MYPN: variants seen among roughly 807,000 people sequenced by gnomAD.
MYPN encodes the protein myopalladin.
Under a neutral mutation model 129.4 loss-of-function variants are expected in MYPN, and 63 were observed. The ratio of observed to expected loss-of-function variants is 0.49; its 90% CI spans 0.40 to 0.60. The LOEUF (loss-of-function observed/expected upper bound fraction) is 0.60, where lower values mean the gene tolerates loss of function less well. Among genes scored for constraint, MYPN ranks in the 20% least tolerant of loss-of-function variants. The pLI is 0.00. For synonymous variants in MYPN, 629 were observed against 600.9 expected, an observed-to-expected ratio of 1.05 and a Z score of -0.68; for missense variants, 1,596 against 1,635.4, an observed-to-expected ratio of 0.98 and a Z score of 0.42.
At chr10:68,161,601 G>T in intron 7 of MYPN, 128 bp from the exon 8 acceptor site, 12 of 665,856 alleles carry the variant, frequency 1.8e-5, no homozygotes, top group South Asian at 3.8e-5. Flanking sequence ...ACTTAATATT[G>T]TCACATAATC....
At chr10:68,115,996 C>G (rs1000019646) in intron 1 of MYPN, among the ~76,000 whole-genome samples, 3 of 152,132 alleles carry the variant, frequency 2.0e-5, no homozygotes, top group African/African-American at 7.2e-5. Context: ...GTTTCCTCCT[C>G]CATTATTCTC....
At chr10:68,148,837 G>A (rs1369832217) in intron 5 of MYPN, among the ~76,000 whole-genome samples, 3 of 152,146 alleles carry the variant, frequency 2.0e-5, no homozygotes, top group South Asian at 2.1e-4. Flanking sequence ...TTTCTAAGAC[G>A]AAGCAAGCAT....
chr10:68,202,844 T>C (rs2043741279), intron 18 of MYPN, among the ~76,000 whole-genome samples: 1 of 151,196 alleles, frequency 6.6e-6, no homozygotes. Context: ...ATCTAAAATA[T>C]GTGTGTGTAT....
intron 7 of MYPN, among the ~76,000 whole-genome samples, chr10:68,161,224 A>T (rs1361089339): frequency 2.6e-5 from 4 of 152,070 alleles, no homozygotes; most frequent in Admixed American, 2.6e-4. Flanking sequence ...GGCAAGGCAC[A>T]GTGGCTCCTG....
upstream of MYPN, chr10:68,109,274 A>G (rs1057334039): frequency 1.2e-5 from 3 of 244,500 alleles, no homozygotes; most frequent in Admixed American, 4.6e-5. Flanking sequence ...GAACTATGGT[A>G]TAATGCATTT....
At chr10:68,114,440 C>G (rs996956364) in intron 1 of MYPN, 3 of 151,544 alleles carry the variant, frequency 2.0e-5, no homozygotes, top group Non-Finnish European at 2.9e-5. Flanking sequence ...CTTTTGCCTC[C>G]TAGGTTCAAG....
intron 15 of MYPN, among the ~76,000 whole-genome samples, chr10:68,195,948 G>T (rs149424600): frequency 1.3e-5 from 2 of 151,988 alleles, no homozygotes; most frequent in Non-Finnish European, 2.9e-5. Flanking sequence ...GACTACAGAC[G>T]CATGCCACCA....
chr10:68,173,950 A>C, intron 10 of MYPN, 116 bp from the exon 11 acceptor site: 1 of 877,738 alleles, frequency 1.1e-6, no homozygotes, highest in Non-Finnish European at 1.9e-6. Flanking sequence ...TACAGGCATG[A>C]GCCACCATGC....
chr10:68,174,328 A>G lies in MYPN; in HGVS notation c.2236A>G (p.Thr746Ala), dbSNP rs147287437. 3.6e-4 allele frequency: 582 copies of G among 1,614,108 alleles called. 4 individuals carry two copies. The African/African-American group carries it at 6.9e-3, about 19-fold the overall frequency. ...TVAPSSSPVF[T>A]LSSTPQTIQR... Reference sequence around the variant, plus strand: ...GGCCCCTTCCAGCTCTCCGGTGTTCACTTTGAGCAGCACTCCTCAAACTAT... The same window carrying G: ...GGCCCCTTCCAGCTCTCCGGTGTTCGCTTTGAGCAGCACTCCTCAAACTAT... Residue 746 changes from threonine (T) to alanine (A), a missense_variant, in exon 11 of 20, where the codon ACT (threonine) becomes GCT (alanine). Thr to Ala is a moderately conservative substitution (Grantham distance 58, BLOSUM62 0). Coordinates refer to ENST00000358913, the MANE Select transcript of MYPN (RefSeq NM_032578.4).
rs1335982755 is a variant in MYPN, at chr10:68,161,947, G to A, written c.1483+195G>A. 1.3e-5 allele frequency: 6 copies of A among 455,526 alleles called. No individual in the cohort carries two copies. In the South Asian group the frequency reaches 1.5e-4, roughly 11 times the overall value. 28.2% of individuals were successfully genotyped at this position (455,526 alleles called of 1,614,324 possible). A position where few individuals can be genotyped will look rare whatever the true frequency, so the allele number is the denominator to read the frequency against. On this transcript the variant is annotated intron_variant, in intron 8 of 19. Coordinates refer to ENST00000358913, the MANE Select transcript of MYPN (RefSeq NM_032578.4). Reference sequence around the variant, plus strand: ...CGAGGCCGAGGCGGGCGGATTACTTGAGATCAGAAGTTCAAGACCAGCCTG... The same window carrying A: ...CGAGGCCGAGGCGGGCGGATTACTTAAGATCAGAAGTTCAAGACCAGCCTG...
intron 1 of MYPN, among the ~76,000 whole-genome samples, chr10:68,089,974 T>C (rs2041923657): frequency 6.6e-6 from 1 of 152,182 alleles, no homozygotes; most frequent in African/African-American, 2.4e-5. Context: ...CCTAAGGTTT[T>C]AGTAAATAAT....
chr10:68,201,034 GCA>G (rs993454347), intron 17 of MYPN, among the ~76,000 whole-genome samples: 2 of 152,184 alleles, frequency 1.3e-5, no homozygotes, highest in African/African-American at 4.8e-5. Flanking sequence ...TCCTTGGGAA[GCA>G]CAGTCTTGTG....
intron 1 of MYPN, among the ~76,000 whole-genome samples, chr10:68,091,038 A>T (rs2041928716): frequency 6.6e-6 from 1 of 152,236 alleles, no homozygotes; most frequent in South Asian, 2.1e-4. Flanking sequence ...ATTTACAATG[A>T]TAAAAATGGT....
intron 2 of MYPN, among the ~76,000 whole-genome samples, chr10:68,133,072 C>T (rs1275014059): frequency 1.4e-5 from 2 of 139,226 alleles, no homozygotes; most frequent in African/African-American, 5.6e-5. Context: ...GTCACCCAGG[C>T]TGGAGTGCAG....
intron 12 of MYPN, among the ~76,000 whole-genome samples, chr10:68,180,891 A>G (rs945157265): frequency 2.0e-5 from 3 of 152,216 alleles, no homozygotes; most frequent in African/African-American, 7.2e-5. Context: ...CAAGTTGTCA[A>G]TTTATCAGCC....
At chr10:68,182,497 C>CACAT (rs1355617597) in intron 12 of MYPN, among the ~76,000 whole-genome samples, 21 of 132,484 alleles carry the variant, frequency 1.6e-4, no homozygotes, top group African/African-American at 5.3e-4. Context: ...CACACACACA[C>CACAT]ATATATATAT....
chr10:68,207,313 A>G (rs1471103785), intron 19 of MYPN, among the ~76,000 whole-genome samples: 1 of 152,194 alleles, frequency 6.6e-6, no homozygotes, highest in Admixed American at 6.5e-5. Flanking sequence ...TGAATCGGGT[A>G]GACTATACTA....
intron 1 of MYPN, among the ~76,000 whole-genome samples, chr10:68,090,244 C>T (rs571831022): frequency 6.1e-4 from 93 of 152,036 alleles, no homozygotes; most frequent in Non-Finnish European, 1.2e-3. Context: ...CTCACTGCAA[C>T]CTCTGCCTTC....
intron 18 of MYPN, among the ~76,000 whole-genome samples, chr10:68,205,037 C>T (rs12785105): frequency 0.41 from 62,483 of 152,016 alleles, 13,680 homozygotes; most frequent in Non-Finnish European, 0.49. Context: ...TGAGCTGGAG[C>T]ACATCTTCTG....
Sources: allele counts gnomAD v4.1 joint callset (sites outside exome capture counted in the v4.1 genomes callset), GRCh38; gene constraint gnomAD v4.1.1; transcripts MANE v1.5; gene names NCBI Gene and HGNC (gene_info 2026-07-23, HGNC 2026-07-21).